The following CDH18 variants were observed in gnomAD, a reference collection of about 807,000 sequenced individuals.
CDH18 encodes the protein cadherin-18.
Under a neutral mutation model 67.9 loss-of-function variants are expected in CDH18, and 31 were observed. The ratio of observed to expected loss-of-function variants is 0.46; its 90% CI spans 0.34 to 0.62. The LOEUF (loss-of-function observed/expected upper bound fraction) is 0.62. CDH18 is among the 20% of genes least tolerant of loss of function. The probability of loss-of-function intolerance (pLI) is 0.01; values close to 1 mark genes in which losing one functional copy is unlikely to be tolerated. For missense variants in CDH18, 890 were observed against 975.5 expected, an observed-to-expected ratio of 0.91 and a Z score of 1.17; for synonymous variants, 362 against 347.2, an observed-to-expected ratio of 1.04 and a Z score of -0.48.
intron 1 of CDH18, among the ~76,000 whole-genome samples, chr5:20,264,036 T>A (rs1744854020): frequency 6.6e-6 from 1 of 152,148 alleles, no homozygotes; most frequent in Admixed American, 6.5e-5. Flanking sequence ...AATATTTATT[T>A]TGTAAAAGGA....
intron 2 of CDH18, among the ~76,000 whole-genome samples, chr5:20,169,057 C>G (rs941085876): frequency 2.0e-5 from 3 of 151,986 alleles, no homozygotes; most frequent in Non-Finnish European, 4.4e-5. Flanking sequence ...ATGAATAAGA[C>G]CTACTGTTTG....
chr5:19,565,350 G>A (rs984435652), intron 8 of CDH18, among the ~76,000 whole-genome samples: 6 of 152,278 alleles, frequency 3.9e-5, no homozygotes, highest in African/African-American at 1.4e-4. Flanking sequence ...AACATGGACA[G>A]AGAAACTCCA....
At chr5:20,242,220 A>G (rs1742982121) in intron 2 of CDH18, among the ~76,000 whole-genome samples, 1 of 152,064 alleles carries the variant, frequency 6.6e-6, no homozygotes, top group African/African-American at 2.4e-5. Flanking sequence ...ATATGTTTAC[A>G]ATGTGGAATG....
intron 4 of CDH18, among the ~76,000 whole-genome samples, chr5:19,735,767 T>C (rs571337544): frequency 6.6e-6 from 1 of 152,326 alleles, no homozygotes; most frequent in South Asian, 2.1e-4. Flanking sequence ...TCCAGTGCTA[T>C]TTCTCTTAAG....
At chr5:19,503,151 T>C in intron 10 of CDH18, 42 bp from the exon 11 acceptor site, 1 of 992,484 alleles carries the variant, frequency 1.0e-6, no homozygotes, top group Non-Finnish European at 1.6e-6. Context: ...TTAATTTTGC[T>C]TGTTCTCTTG....
chr5:19,544,745 T>A (rs1426982580), intron 8 of CDH18, among the ~76,000 whole-genome samples: 1 of 152,182 alleles, frequency 6.6e-6, no homozygotes, highest in African/African-American at 2.4e-5. Flanking sequence ...CCTATGCCAC[T>A]GCCACAGGAA....
chr5:19,475,959 C>G (rs1216928906), intron 12 of CDH18, among the ~76,000 whole-genome samples: 4 of 151,980 alleles, frequency 2.6e-5, no homozygotes, highest in Non-Finnish European at 5.9e-5. Context: ...TATAGCTTAA[C>G]CATTTTAATG....
At chr5:20,446,284 C>A (rs550607524) in intron 1 of CDH18, among the ~76,000 whole-genome samples, 8 of 152,226 alleles carry the variant, frequency 5.3e-5, no homozygotes, top group African/African-American at 1.7e-4. Flanking sequence ...AGAGTCAGGG[C>A]AGTCTTGGGG....
chr5:19,777,729 C>T (rs1324231952), intron 3 of CDH18, among the ~76,000 whole-genome samples: 1 of 152,164 alleles, frequency 6.6e-6, no homozygotes, highest in Non-Finnish European at 1.5e-5. Context: ...TCTTAAGTTT[C>T]TCCGATATTT....
chr5:19,594,019 G>A lies in CDH18; in HGVS notation c.812-2775C>T, dbSNP rs901247514. ...CTTTACCCCTATTTTTTTCTTTTAA[G>A]AGTTGTGCAGTTTCAGATTTTATGT... On this transcript the variant is annotated intron_variant, in intron 6 of 12. Coordinates refer to ENST00000382275, the MANE Select transcript of CDH18 (RefSeq NM_004934.5). 3.3e-5 allele frequency among the ~76,000 whole-genome samples: 5 copies of A among 151,834 alleles called. 1 individual carries two copies. Among genetic ancestry groups the A allele is most frequent in the Non-Finnish European group, 4.4e-5 (3 of 67,962 alleles).
Position 20,039,366 on chromosome 5 carries a change from C to A in CDH18, c.-517-47352G>T, listed in dbSNP as rs185556620. On this transcript the variant is annotated intron_variant, in intron 2 of 14. Transcript: ENST00000507958. ...AACTACTTTAAATTTCATATGGAAC[C>A]AAAAAAGAGCCCATGTAGTCAACAC... is the stretch of plus-strand genomic sequence containing the variant. Among the ~76,000 whole-genome samples the A allele has an allele frequency of 2.2e-3, 335 of 152,066 alleles. 1 individual carries two copies. The highest frequency in any genetic ancestry group is 7.6e-3 in the African/African-American group (317 of 41,486).
At chr5:20,523,583 C>G (rs1423597530) in intron 1 of CDH18, among the ~76,000 whole-genome samples, 1 of 152,174 alleles carries the variant, frequency 6.6e-6, no homozygotes, top group African/African-American at 2.4e-5. Flanking sequence ...CTTCTTCACC[C>G]AGGCTGGAGT....
At chr5:19,874,498 G>A (rs559051487) in intron 2 of CDH18, among the ~76,000 whole-genome samples, 6 of 152,182 alleles carry the variant, frequency 3.9e-5, no homozygotes, top group Non-Finnish European at 8.8e-5. Flanking sequence ...TTTGTTCAAA[G>A]ATAACAGTGA....
chr5:19,930,299 T>A (rs1188882298), intron 2 of CDH18, among the ~76,000 whole-genome samples: 6 of 151,996 alleles, frequency 3.9e-5, no homozygotes, highest in Non-Finnish European at 1.5e-5. Context: ...GCCTCTGGAC[T>A]GTGTTAAAAA....
intron 3 of CDH18, among the ~76,000 whole-genome samples, chr5:19,786,443 A>G (rs1404467667): frequency 2.0e-5 from 3 of 152,200 alleles, no homozygotes; most frequent in African/African-American, 7.2e-5. Context: ...TAAACTACTG[A>G]AGTGAAAATA....
At chr5:19,900,978 G>T (rs1362469002) in intron 2 of CDH18, among the ~76,000 whole-genome samples, 1 of 152,110 alleles carries the variant, frequency 6.6e-6, no homozygotes, top group Admixed American at 6.6e-5. Flanking sequence ...TTGAAATCCT[G>T]ACTTGCCTAG....
At chr5:20,532,232 G>A (rs1479533962) in intron 1 of CDH18, among the ~76,000 whole-genome samples, 2 of 152,138 alleles carry the variant, frequency 1.3e-5, no homozygotes, top group South Asian at 2.1e-4. Flanking sequence ...CAAAATGTGT[G>A]TATTTCACCT....
intron 1 of CDH18, among the ~76,000 whole-genome samples, chr5:20,561,474 C>T (rs1344341917): frequency 2.0e-5 from 3 of 152,136 alleles, no homozygotes; most frequent in African/African-American, 7.2e-5. Context: ...ACCTTAAATT[C>T]ATCTTACTAA....
At chr5:20,221,779 T>A (rs577576078) in intron 2 of CDH18, among the ~76,000 whole-genome samples, 2 of 152,128 alleles carry the variant, frequency 1.3e-5, no homozygotes, top group South Asian at 2.1e-4. Context: ...AAATAAAAAA[T>A]AAATAAATAA....
Sources: allele counts gnomAD v4.1 joint callset (sites outside exome capture counted in the v4.1 genomes callset), GRCh38; gene constraint gnomAD v4.1.1; transcripts MANE v1.5; gene names NCBI Gene and HGNC (gene_info 2026-07-23, HGNC 2026-07-21).